APBB2: variants seen among roughly 807,000 people sequenced by gnomAD.
APBB2 encodes amyloid beta precursor protein binding family B member 2.
Under a neutral mutation model 82.5 loss-of-function variants are expected in APBB2, and 38 were observed. The ratio of observed to expected loss-of-function variants is 0.46; its 90% confidence interval spans 0.36 to 0.60. The LOEUF is 0.60. APBB2 is among the 20% of genes least tolerant of loss of function. The pLI is 0.00. For missense variants in APBB2, 772 were observed against 972.3 expected (o/e 0.79, Z 2.74); for synonymous variants, 341 against 368.2 (o/e 0.93, Z 0.85).
intron 3 of APBB2, among the ~76,000 whole-genome samples, chr4:41,087,585 T>C (rs986834434): frequency 6.6e-6 from 1 of 151,984 alleles, no homozygotes; most frequent in Non-Finnish European, 1.5e-5. Flanking sequence ...TGCATCACCA[T>C]GACTGGCTAA....
chr4:41,102,672 A>G (rs1273046178), intron 2 of APBB2, among the ~76,000 whole-genome samples: 1 of 152,166 alleles, frequency 6.6e-6, no homozygotes, highest in Non-Finnish European at 1.5e-5. Flanking sequence ...ACACCAAGCC[A>G]TATCTGGTAT....
chr4:40,920,316 C>T (rs1780927935), intron 10 of APBB2, among the ~76,000 whole-genome samples: 1 of 152,224 alleles, frequency 6.6e-6, no homozygotes, highest in Admixed American at 6.5e-5. Flanking sequence ...TCTCCCCAGC[C>T]ATGTGGAACA....
chr4:40,944,610 A>C (rs1040251101), intron 7 of APBB2, among the ~76,000 whole-genome samples: 4 of 152,216 alleles, frequency 2.6e-5, no homozygotes, highest in Admixed American at 2.6e-4. Context: ...ACTTCTCATT[A>C]ATCAGCCCCT....
chr4:40,922,497 C>G (rs1054770574), intron 10 of APBB2, among the ~76,000 whole-genome samples: 3 of 150,354 alleles, frequency 2.0e-5, no homozygotes, highest in African/African-American at 7.6e-5. Context: ...GAACTCAGAC[C>G]TTGATCTTTG....
chr4:40,848,265 G>A (rs954104698), intron 12 of APBB2, among the ~76,000 whole-genome samples: 2 of 152,238 alleles, frequency 1.3e-5, no homozygotes, highest in Admixed American at 1.3e-4. Context: ...TGTCTAGCCA[G>A]GCTCTATTCT....
At chr4:41,188,659 T>C (rs1560989095) in intron 1 of APBB2, among the ~76,000 whole-genome samples, 1 of 152,228 alleles carries the variant, frequency 6.6e-6, no homozygotes, top group South Asian at 2.1e-4. Context: ...AGTATTTTGT[T>C]ACAGCAGCCT....
At chr4:41,110,113 C>T (rs1748657818) in intron 2 of APBB2, among the ~76,000 whole-genome samples, 1 of 152,174 alleles carries the variant, frequency 6.6e-6, no homozygotes, top group Non-Finnish European at 1.5e-5. Flanking sequence ...TAATTTACAG[C>T]CCCCATCCCT....
intron 15 of APBB2, among the ~76,000 whole-genome samples, chr4:40,825,384 G>C (rs371625701): frequency 6.6e-6 from 1 of 152,194 alleles, no homozygotes; most frequent in Admixed American, 6.5e-5. Context: ...CCTGGTGAAG[G>C]CTTCATCTCC....
chr4:40,908,477 G>A (rs1395422180), intron 10 of APBB2, among the ~76,000 whole-genome samples: 1 of 152,100 alleles, frequency 6.6e-6, no homozygotes, highest in African/African-American at 2.4e-5. Flanking sequence ...TGGCTTTCCT[G>A]ACGGAGAGAG....
At chr4:41,114,340 T>C (rs1213056293) in intron 2 of APBB2, among the ~76,000 whole-genome samples, 1 of 152,158 alleles carries the variant, frequency 6.6e-6, no homozygotes, top group African/African-American at 2.4e-5. Context: ...TAAGAGTTAT[T>C]TATGACAAAC....
intron 3 of APBB2, among the ~76,000 whole-genome samples, chr4:41,077,428 C>A (rs1736032591): frequency 6.6e-6 from 1 of 151,728 alleles, no homozygotes; most frequent in African/African-American, 2.4e-5. Flanking sequence ...AGTGACATAC[C>A]AAGGTGGATT....
At chr4:40,969,267 A>G (rs779042459) in intron 6 of APBB2, among the ~76,000 whole-genome samples, 1 of 152,182 alleles carries the variant, frequency 6.6e-6, no homozygotes, top group Non-Finnish European at 1.5e-5. Flanking sequence ...TTTAGCTCCT[A>G]CACCCTGAAG....
chr4:41,087,656 T>A (rs919154795), intron 3 of APBB2, among the ~76,000 whole-genome samples: 1 of 151,978 alleles, frequency 6.6e-6, no homozygotes, highest in Non-Finnish European at 1.5e-5. Flanking sequence ...CTTAAACTCC[T>A]GACTTCAAGT....
rs148326267 is a variant in APBB2, at chr4:40,980,933, G to A, written c.835+32650C>T. Among the ~76,000 whole-genome samples, 21 of 152,262 alleles carry A rather than the reference G, an allele frequency of 1.4e-4. No individual in the cohort carries two copies. The East Asian group carries it at 4.1e-3, about 29-fold the overall frequency. On this transcript the variant is annotated intron_variant, in intron 6 of 17. Transcript: ENST00000508593. ...GCATTAGATTCATTTAGAAATTCTTGTTAACAATGAAGATTCTTGGGCCCA... is the reference window on the plus strand; with the variant it reads ...GCATTAGATTCATTTAGAAATTCTTATTAACAATGAAGATTCTTGGGCCCA...
intron 12 of APBB2, among the ~76,000 whole-genome samples, chr4:40,885,681 A>C (rs950769567): frequency 6.6e-6 from 1 of 152,232 alleles, no homozygotes; most frequent in African/African-American, 2.4e-5. Flanking sequence ...TATTCATTAA[A>C]AGTAATTCCA....
chr4:41,121,459 C>T (rs915169523), intron 2 of APBB2, among the ~76,000 whole-genome samples: 3 of 152,240 alleles, frequency 2.0e-5, no homozygotes, highest in Non-Finnish European at 4.4e-5. Flanking sequence ...TACTTGGGAG[C>T]GTGCGTGTGT....
At chr4:41,016,599 C>T (rs558040259) in intron 5 of APBB2, among the ~76,000 whole-genome samples, 2 of 151,868 alleles carry the variant, frequency 1.3e-5, no homozygotes, top group Non-Finnish European at 1.5e-5. Context: ...TGCAGTGAGA[C>T]GAGATCGCCC....
At chr4:41,139,849 T>C (rs1441437147) in intron 2 of APBB2, among the ~76,000 whole-genome samples, 1 of 152,202 alleles carries the variant, frequency 6.6e-6, no homozygotes, top group African/African-American at 2.4e-5. Context: ...CTTATATATT[T>C]ATGAAAGCTC....
At position 40,893,294 on chromosome 4, in the gene APBB2, T is replaced by C; in HGVS notation, c.1372A>G (p.Ile458Val). 1 of 1,613,812 alleles carries C rather than the reference T, an allele frequency of 6.2e-7. No individual in the cohort carries two copies. The highest frequency in any genetic ancestry group is 8.5e-7 in the Non-Finnish European group (1 of 1,179,932). Reference sequence around the variant, plus strand: ...CCCCAAATCCCGACTGTGTCTCGGATGTCATTTTTGCAGTAGGAAAGTTGC... The same window carrying C: ...CCCCAAATCCCGACTGTGTCTCGGACGTCATTTTTGCAGTAGGAAAGTTGC... ...IRQLSYCKND[I>V]RDTVGIWGEG... Residue 458 changes from isoleucine (I) to valine (V), a missense_variant, in exon 11 of 18, where the codon ATC (isoleucine) becomes GTC (valine). Ile to Val is a conservative substitution (Grantham distance 29). Transcript: ENST00000508593.
Sources: allele counts gnomAD v4.1 joint callset (sites outside exome capture counted in the v4.1 genomes callset), GRCh38; gene constraint gnomAD v4.1.1; transcripts MANE v1.5; gene names NCBI Gene and HGNC (gene_info 2026-07-23, HGNC 2026-07-21).